Variants in HKDC1 observed in about 807,000 individuals in gnomAD.
HKDC1 encodes the protein hexokinase domain containing 1, also known as hexokinase HKDC1.
In HKDC1, 66 loss-of-function variants were observed where a neutral mutation model predicts 96.6. The observed-to-expected ratio is 0.68, with a 90% CI of 0.56 to 0.84. The LOEUF (loss-of-function observed/expected upper bound fraction) is 0.84. Ranked by LOEUF, HKDC1 falls within the 40% of genes least tolerant of loss-of-function variation. The pLI, the probability that HKDC1 is intolerant of heterozygous loss-of-function variation, is 0.00. For synonymous variants in HKDC1, 466 were observed against 473.1 expected (o/e 0.98, Z 0.20); for missense variants, 1,211 against 1,208.1 (o/e 1.00, Z -0.04).
intron 15 of HKDC1, among the ~76,000 whole-genome samples, 188 bp from the exon 16 acceptor site, chr10:69,260,951 G>A (rs1326809006): frequency 1.3e-5 from 2 of 152,164 alleles, no homozygotes; most frequent in Non-Finnish European, 2.9e-5. Flanking sequence ...CAGTCTTGTA[G>A]GGGCGCTACT....
At chr10:69,244,410 C>T (rs1266899894) in intron 7 of HKDC1, among the ~76,000 whole-genome samples, 1 of 152,242 alleles carries the variant, frequency 6.6e-6, no homozygotes, top group African/African-American at 2.4e-5. Flanking sequence ...TTGGTGGCAC[C>T]TACTCCAGGC....
chr10:69,255,201 A>T (rs1264217004), intron 12 of HKDC1, among the ~76,000 whole-genome samples: 1 of 152,244 alleles, frequency 6.6e-6, no homozygotes, highest in Non-Finnish European at 1.5e-5. Context: ...TGGGCAGCTA[A>T]AAGTAAAGAT....
chr10:69,250,597 C>T lies in HKDC1; in HGVS notation c.1781C>T (p.Ser594Phe). The change falls in exon 12 of 18, where the codon TCC becomes TTC. Residue 594 changes from serine to phenylalanine, a missense_variant. By Grantham distance (155) the Ser-to-Phe change is radical (BLOSUM62 -2). Transcript: ENST00000354624. ...GACTACATGGGCCTCAAGGGAGCCTCCCTACCTTTGGGCTTCACATTCTCA... is the reference window on the plus strand; with the variant it reads ...GACTACATGGGCCTCAAGGGAGCCTTCCTACCTTTGGGCTTCACATTCTCA... Reference protein sequence around the residue: ...FLDYMGLKGASLPLGFTFSFP... With the variant: ...FLDYMGLKGAFLPLGFTFSFP... 2 of 1,614,078 alleles carry T rather than the reference C, an allele frequency of 1.2e-6. No individual in the cohort carries two copies. The highest frequency in any genetic ancestry group is 1.7e-6 in the Non-Finnish European group (2 of 1,180,004).
chr10:69,241,277 T>G (rs1843453546), intron 6 of HKDC1, among the ~76,000 whole-genome samples: 1 of 151,944 alleles, frequency 6.6e-6, no homozygotes, highest in Admixed American at 6.6e-5. Flanking sequence ...GAGGGGGCAC[T>G]GGGGGAACCC....
At chr10:69,232,061 T>C (rs1355952104) in intron 2 of HKDC1, among the ~76,000 whole-genome samples, 1 of 152,246 alleles carries the variant, frequency 6.6e-6, no homozygotes, top group Non-Finnish European at 1.5e-5. Context: ...CAGGCTGTTC[T>C]TGAACTGCTG....
chr10:69,261,355 G>T (rs976095658), intron 16 of HKDC1, 61 bp downstream of exon 16: 1 of 1,542,844 alleles, frequency 6.5e-7, no homozygotes, highest in Admixed American at 1.7e-5. Flanking sequence ...CCACGCTGGG[G>T]TTGGGCCAAT....
rs1358806997 is a variant in HKDC1 at position 69,267,274 on chromosome 10, T to C, written c.*517T>C. On this transcript the variant is annotated 3_prime_UTR_variant, in exon 18 of 18. Transcript: ENST00000354624. ...ACTTGCCATGTTGACTTCAAACCTA[T>C]TAAGAGAACAAAGACTTTGAAGTAT... The C allele has an allele frequency of 3.0e-6, 1 of 332,240 alleles. No individual in the cohort carries two copies. Among genetic ancestry groups the C allele is most frequent in the East Asian group, 8.2e-5 (1 of 12,214 alleles). The allele number at this position is 332,240 out of a possible 1,614,324, so 20.6% of individuals were successfully genotyped here. A position where few individuals can be genotyped will look rare whatever the true frequency, so the allele number is the denominator to read the frequency against.
Position 69,246,316 on chromosome 10 carries a change from C to T in HKDC1, c.1031+82C>T. The stretch of plus-strand genomic sequence containing the variant: ...TGGGGTGCTCCATGTGGTAGGACAG[C>T]AGGAGGGACTAGATCCTCCTCCTTC... On this transcript the variant is annotated intron_variant, in intron 8 of 17. Coordinates refer to ENST00000354624, the MANE Select transcript of HKDC1 (RefSeq NM_025130.4). 3 of 1,461,426 alleles carry T rather than the reference C, an allele frequency of 2.1e-6. No individual in the cohort carries two copies. The South Asian group carries it at 3.5e-5, about 17-fold the overall frequency. 90.5% of individuals were successfully genotyped at this position (1,461,426 alleles called of 1,614,324 possible).
chr10:69,244,263 C>T (rs947464013), intron 7 of HKDC1, among the ~76,000 whole-genome samples: 5 of 152,200 alleles, frequency 3.3e-5, no homozygotes, highest in Non-Finnish European at 5.9e-5. Flanking sequence ...CACCGTAAGA[C>T]GTTCCCGGCT....
chr10:69,250,748 C>T, intron 12 of HKDC1, 96 bp downstream of exon 12: 1 of 1,415,232 alleles, frequency 7.1e-7, no homozygotes, highest in African/African-American at 1.4e-5. Flanking sequence ...TTCATTTTTA[C>T]AGGGATCTTG....
At chr10:69,238,368 C>CTTTTTTTTTTTTTTTTTT (rs55819248) in intron 4 of HKDC1, among the ~76,000 whole-genome samples, 11 of 61,378 alleles carry the variant, frequency 1.8e-4, no homozygotes, top group African/African-American at 9.1e-4. Flanking sequence ...CAGGTATTTT[C>CTTTTTTTTTTTTTTTTTT]TTTTTTTTTT....
chr10:69,227,506 T>A, intron 2 of HKDC1, 137 bp downstream of exon 2: 1 of 895,970 alleles, frequency 1.1e-6, no homozygotes, highest in South Asian at 1.7e-5. Flanking sequence ...TGCCCCTCTC[T>A]GCTTCAGTCC....
intron 15 of HKDC1, among the ~76,000 whole-genome samples, chr10:69,259,826 GAAC>G (rs1023958359): frequency 3.9e-5 from 6 of 152,188 alleles, no homozygotes; most frequent in African/African-American, 9.7e-5. Context: ...ACTATCACCA[GAAC>G]AACAGGGGGG....
chr10:69,255,291 C>T (rs1439791694), intron 12 of HKDC1, among the ~76,000 whole-genome samples: 1 of 152,206 alleles, frequency 6.6e-6, no homozygotes, highest in African/African-American at 2.4e-5. Context: ...GAGAGGTTTC[C>T]CAGTTGGGAG....
intron 4 of HKDC1, among the ~76,000 whole-genome samples, chr10:69,235,135 C>T (rs1179557631): frequency 1.3e-5 from 2 of 152,174 alleles, no homozygotes; most frequent in Non-Finnish European, 1.5e-5. Flanking sequence ...ATCTCTAAAA[C>T]AAGCAGCCAG....
In HKDC1 at chr10:69,232,921, C is replaced by T. The variant is rs1455035195; in HGVS notation, c.375+9C>T. ...GCGGGAACGGCACAGAGGTACCTGG[C>T]AGGTGGCTCCTGTGACCGCAGGGAA... On this transcript the variant is annotated intron_variant, in intron 3 of 17. Transcript: ENST00000354624. 6.2e-7 allele frequency: 1 copy of T among 1,612,004 alleles called. No homozygotes were observed. The highest frequency in any genetic ancestry group is 8.5e-7 in the Non-Finnish European group (1 of 1,180,012).
intron 16 of HKDC1, among the ~76,000 whole-genome samples, chr10:69,264,190 T>G (rs2132381902): frequency 7.0e-6 from 1 of 142,782 alleles, no homozygotes; most frequent in East Asian, 2.1e-4. Context: ...TCTGAATAGA[T>G]TTCCTTCTGT....
chr10:69,227,102 C>A, intron 1 of HKDC1, 105 bp from the exon 2 acceptor site: 1 of 1,286,252 alleles, frequency 7.8e-7, no homozygotes, highest in Non-Finnish European at 1.1e-6. Context: ...CAATGCTGTC[C>A]CCAGAGTCAG....
Position 69,225,617 on chromosome 10 carries a change from C to T in HKDC1, c.64-1590C>T, listed in dbSNP as rs146906112. Among the ~76,000 whole-genome samples, 8 of 152,268 alleles carry T rather than the reference C, an allele frequency of 5.3e-5. No homozygotes were observed. The East Asian group carries it at 1.5e-3, about 29-fold the overall frequency. ...GTCACGAGACTGAGCTGGGTCCTGGCCTCTGAGGCCTGGCTGATGACCGGG... is the reference window on the plus strand; with the variant it reads ...GTCACGAGACTGAGCTGGGTCCTGGTCTCTGAGGCCTGGCTGATGACCGGG... On this transcript the variant is annotated intron_variant, in intron 1 of 17. Coordinates refer to ENST00000354624, the MANE Select transcript of HKDC1 (RefSeq NM_025130.4).
Sources: allele counts gnomAD v4.1 joint callset (sites outside exome capture counted in the v4.1 genomes callset), GRCh38; gene constraint gnomAD v4.1.1; transcripts MANE v1.5; gene names NCBI Gene and HGNC (gene_info 2026-07-23, HGNC 2026-07-21).